Variants in MLLT10 observed in about 807,000 individuals in gnomAD.
The protein encoded by MLLT10 is MLLT10 histone lysine methyltransferase DOT1L cofactor.
Under a neutral mutation model 129.1 loss-of-function variants are expected in MLLT10, and 30 were observed. The observed-to-expected ratio is 0.23, with a 90% CI of 0.17 to 0.32. The LOEUF (loss-of-function observed/expected upper bound fraction) is 0.32. Ranked by LOEUF, MLLT10 falls within the 10% of genes least tolerant of loss-of-function variation. MLLT10 has a pLI of 1.00. For synonymous variants in MLLT10, 490 were observed against 446.4 expected (o/e 1.10, Z -1.23); for missense variants, 1,119 against 1,268.3 (o/e 0.88, Z 1.79).
intron 3 of MLLT10, among the ~76,000 whole-genome samples, chr10:21,551,546 G>T (rs998550087): frequency 1.3e-5 from 2 of 151,640 alleles, no homozygotes; most frequent in African/African-American, 4.8e-5. Flanking sequence ...CGATAACATA[G>T]CCAGTTTTAC....
At chr10:21,688,912 ACT>A (rs906288801) in intron 13 of MLLT10, among the ~76,000 whole-genome samples, 5 of 152,066 alleles carry the variant, frequency 3.3e-5, no homozygotes, top group African/African-American at 1.2e-4. Context: ...AATCATGATA[ACT>A]CTCTGATTCT....
At chr10:21,563,620 T>C (rs1203412567) in intron 3 of MLLT10, among the ~76,000 whole-genome samples, 1 of 152,176 alleles carries the variant, frequency 6.6e-6, no homozygotes, top group African/African-American at 2.4e-5. Context: ...TAGTATTTGT[T>C]ACAGTTAAAC....
At chr10:21,559,135 G>C (rs1421176504) in intron 3 of MLLT10, among the ~76,000 whole-genome samples, 2 of 152,198 alleles carry the variant, frequency 1.3e-5, no homozygotes, top group African/African-American at 2.4e-5. Flanking sequence ...CCAGGCTGGA[G>C]TGCAGTGGTA....
intron 13 of MLLT10, among the ~76,000 whole-genome samples, chr10:21,689,242 C>G (rs560170518): frequency 6.6e-6 from 1 of 151,704 alleles, no homozygotes; most frequent in Non-Finnish European, 1.5e-5. Flanking sequence ...ATAAATGATG[C>G]GGCACATGAG....
chr10:21,695,959 T>G (rs1252157590), intron 13 of MLLT10, among the ~76,000 whole-genome samples: 2 of 150,906 alleles, frequency 1.3e-5, no homozygotes, highest in Non-Finnish European at 3.0e-5. Context: ...GGTTTTTTTT[T>G]TTTTTTTTTT....
At chr10:21,623,982 A>G (rs778035688) in intron 8 of MLLT10, among the ~76,000 whole-genome samples, 1 of 152,160 alleles carries the variant, frequency 6.6e-6, no homozygotes, top group Non-Finnish European at 1.5e-5. Context: ...GAAATTGGAA[A>G]TACAATCACA....
chr10:21,643,732 A>G (rs2048231882), intron 8 of MLLT10, among the ~76,000 whole-genome samples: 1 of 152,164 alleles, frequency 6.6e-6, no homozygotes. Flanking sequence ...GCTAAGTTTA[A>G]CTACAGTAAG....
intron 8 of MLLT10, among the ~76,000 whole-genome samples, chr10:21,633,514 A>G (rs2047189622): frequency 1.3e-5 from 2 of 152,146 alleles, no homozygotes; most frequent in African/African-American, 2.4e-5. Flanking sequence ...CAACATGGCA[A>G]GAAGCCATCT....
intron 14 of MLLT10, among the ~76,000 whole-genome samples, chr10:21,720,017 T>A (rs1380293059): frequency 6.6e-6 from 1 of 152,226 alleles, no homozygotes; most frequent in Admixed American, 6.5e-5. Context: ...TGTCCTACAG[T>A]AATTTTTTCC....
At chr10:21,552,385 T>C (rs2037204436) in intron 3 of MLLT10, among the ~76,000 whole-genome samples, 1 of 150,702 alleles carries the variant, frequency 6.6e-6, no homozygotes, top group Non-Finnish European at 1.5e-5. Flanking sequence ...TATCTTCTTA[T>C]TGCTTTTTTT....
At chr10:21,614,960 G>C (rs368194797) in intron 7 of MLLT10, 36 bp downstream of exon 7, 128 of 1,508,568 alleles carry the variant, frequency 8.5e-5, no homozygotes, top group Non-Finnish European at 1.1e-4. Context: ...AAATGATTAT[G>C]ATTAGTTTTG....
In MLLT10 at chr10:21,570,991, C is replaced by T. The variant is rs569312090; in HGVS notation, c.241-15303C>T. Among the ~76,000 whole-genome samples the T allele has an allele frequency of 5.9e-5, 9 of 152,198 alleles. No individual in the cohort carries two copies. The East Asian group carries it at 1.7e-3, about 29-fold the overall frequency. On this transcript the variant is annotated intron_variant, in intron 3 of 22. Transcript: ENST00000307729. ...TTTGTTCTGTGGCATTATTGAGTTGCTTGAAAACAGTTTCTTTCTGTTGGG... is the reference window on the plus strand; with the variant it reads ...TTTGTTCTGTGGCATTATTGAGTTGTTTGAAAACAGTTTCTTTCTGTTGGG...
intron 14 of MLLT10, 23 bp downstream of exon 14, chr10:21,713,973 G>A: frequency 6.3e-7 from 1 of 1,587,926 alleles, no homozygotes; most frequent in Non-Finnish European, 8.6e-7. Flanking sequence ...ACTATCATGT[G>A]ACAGGTAATA....
At chr10:21,597,779 A>G (rs1411817339) in intron 5 of MLLT10, among the ~76,000 whole-genome samples, 1 of 152,146 alleles carries the variant, frequency 6.6e-6, no homozygotes, top group African/African-American at 2.4e-5. Flanking sequence ...GTGACCCCCT[A>G]TTTGGATTTG....
chr10:21,717,629 C>CTCCTCCTTT (rs1564710554), intron 14 of MLLT10, among the ~76,000 whole-genome samples: 9 of 129,416 alleles, frequency 7.0e-5, no homozygotes, highest in East Asian at 2.4e-4. Flanking sequence ...CTTCCTCCTC[C>CTCCTCCTTT]TCCTCCTCCT....
In MLLT10 at chr10:21,733,896, G is replaced by T; in HGVS notation, c.2625G>T (p.Val875=). 1.9e-6 allele frequency: 3 copies of T among 1,614,166 alleles called. No individual in the cohort carries two copies. The highest frequency in any genetic ancestry group is 2.5e-6 in the Non-Finnish European group (3 of 1,180,030). The stretch of plus-strand genomic sequence containing the variant: ...TTCAGCAGGTCAATGGCGTGACAGT[G>T]GGGGCACTAGCTAGTGGAATGCAGC... ...SGVQQVNGVT[V]GALASGMQPV... Residue 875 remains valine, a synonymous_variant, in exon 20 of 23, where the codon GTG becomes GTT. Coordinates refer to ENST00000307729, the MANE Select transcript of MLLT10 (RefSeq NM_001195626.3).
At chr10:21,618,832 A>G (rs1185227531) in intron 8 of MLLT10, among the ~76,000 whole-genome samples, 1 of 151,938 alleles carries the variant, frequency 6.6e-6, no homozygotes. Flanking sequence ...TCCCGGGTTC[A>G]AGTGATTGTC....
intron 4 of MLLT10, among the ~76,000 whole-genome samples, chr10:21,588,465 T>C (rs1461275655): frequency 6.6e-6 from 1 of 152,196 alleles, no homozygotes; most frequent in East Asian, 1.9e-4. Context: ...TCTGATCTTC[T>C]ACTTTGATGA....
rs760232344 is a variant in MLLT10, at chr10:21,726,321, A to G, written c.1956A>G (p.Ala652=). Residue 652 remains alanine (A), a synonymous_variant, in exon 15 of 23, where the codon GCA becomes GCG. Transcript: ENST00000307729. Reference sequence around the variant, plus strand: ...GCAATAGATCAAATTCATCAATGGCAGCTCTTATAGCTCAGTCTGAAAACA... The same window carrying G: ...GCAATAGATCAAATTCATCAATGGCGGCTCTTATAGCTCAGTCTGAAAACA... ...MYGNRSNSSM[A]ALIAQSENNQ... is the part of the protein sequence containing the mutation. 6.2e-7 allele frequency: 1 copy of G among 1,612,560 alleles called. No individual in the cohort carries two copies. Among genetic ancestry groups the G allele is most frequent in the Non-Finnish European group, 8.5e-7 (1 of 1,178,802 alleles).
Sources: allele counts gnomAD v4.1 joint callset (sites outside exome capture counted in the v4.1 genomes callset), GRCh38; gene constraint gnomAD v4.1.1; transcripts MANE v1.5; gene names NCBI Gene and HGNC (gene_info 2026-07-23, HGNC 2026-07-21).